The following IMMP2L variants were observed in gnomAD, a reference collection of about 807,000 sequenced individuals.
IMMP2L encodes mitochondrial inner membrane protease subunit 2.
Under a neutral mutation model 19.3 loss-of-function variants are expected in IMMP2L, and 18 were observed. The observed-to-expected ratio is 0.93, with a 90% CI of 0.64 to 1.38. The LOEUF is 1.38. Ranked by LOEUF, IMMP2L falls within the 40% of genes most tolerant of loss-of-function variation. IMMP2L has a pLI of 0.00. For missense variants in IMMP2L, 233 were observed against 218.2 expected, an observed-to-expected ratio of 1.07 and a Z score of -0.43; for synonymous variants, 76 against 73.0, an observed-to-expected ratio of 1.04 and a Z score of -0.21.
intron 4 of IMMP2L, among the ~76,000 whole-genome samples, chr7:110,907,712 A>G (rs1812617795): frequency 6.6e-6 from 1 of 152,204 alleles, no homozygotes; most frequent in Admixed American, 6.5e-5. Context: ...ATATATAAAA[A>G]ATACTTGGAC....
chr7:111,075,568 G>GA (rs1364776428), intron 3 of IMMP2L, among the ~76,000 whole-genome samples: 1 of 152,126 alleles, frequency 6.6e-6, no homozygotes, highest in African/African-American at 2.4e-5. Flanking sequence ...TTCTTCTTGA[G>GA]AATGTTTTTT....
At chr7:110,809,913 T>G (rs1801905916) in intron 5 of IMMP2L, among the ~76,000 whole-genome samples, 1 of 152,088 alleles carries the variant, frequency 6.6e-6, no homozygotes, top group Admixed American at 6.6e-5. Context: ...TCCCCCATTC[T>G]TCAGTTCCAA....
intron 5 of IMMP2L, among the ~76,000 whole-genome samples, chr7:110,821,608 C>T (rs952221818): frequency 2.5e-4 from 38 of 151,874 alleles, no homozygotes; most frequent in Non-Finnish European, 4.7e-4. Context: ...TGCTTTAAAT[C>T]CCTTATAGAA....
At chr7:111,049,431 G>A (rs906596309) in intron 3 of IMMP2L, among the ~76,000 whole-genome samples, 1 of 151,924 alleles carries the variant, frequency 6.6e-6, no homozygotes, top group Admixed American at 6.6e-5. Context: ...GCGCCCGGCC[G>A]ATTTTTATGA....
chr7:111,099,290 C>T (rs188794164), intron 3 of IMMP2L, among the ~76,000 whole-genome samples: 69 of 151,742 alleles, frequency 4.5e-4, no homozygotes, highest in African/African-American at 1.5e-3. Context: ...TTTTTCCCCT[C>T]ATGCATTCTC....
At chr7:110,805,749 G>A (rs1801588106) in intron 5 of IMMP2L, among the ~76,000 whole-genome samples, 2 of 151,922 alleles carry the variant, frequency 1.3e-5, no homozygotes, top group Non-Finnish European at 2.9e-5. Context: ...TTCTAACAAT[G>A]CAGTAACATT....
At chr7:111,404,962 C>T (rs193101393) in intron 3 of IMMP2L, among the ~76,000 whole-genome samples, 64 of 152,146 alleles carry the variant, frequency 4.2e-4, no homozygotes, top group Non-Finnish European at 7.5e-4. Flanking sequence ...CTTATAGCAA[C>T]GTCAGAAAAA....
At chr7:110,900,980 C>T (rs1272194317) in intron 4 of IMMP2L, among the ~76,000 whole-genome samples, 1 of 151,890 alleles carries the variant, frequency 6.6e-6, no homozygotes, top group Non-Finnish European at 1.5e-5. Context: ...ACCAAGGGCC[C>T]TTCTAAATGT....
At chr7:110,967,396 C>T (rs1217095502) in intron 3 of IMMP2L, among the ~76,000 whole-genome samples, 2 of 151,956 alleles carry the variant, frequency 1.3e-5, no homozygotes, top group African/African-American at 4.8e-5. Context: ...CTTTTCCTGA[C>T]CACCCCCACC....
chr7:110,994,578 A>G (rs1339023954), intron 3 of IMMP2L, among the ~76,000 whole-genome samples: 1 of 152,152 alleles, frequency 6.6e-6, no homozygotes, highest in African/African-American at 2.4e-5. Flanking sequence ...TGGGATGGGG[A>G]GCACCAAAAA....
intron 2 of IMMP2L, among the ~76,000 whole-genome samples, chr7:111,519,775 A>G (rs1846178242): frequency 6.6e-6 from 1 of 152,128 alleles, no homozygotes; most frequent in African/African-American, 2.4e-5. Context: ...ATCCTCTGGA[A>G]TATCATCAGA....
At chr7:111,317,072 TCTC>T (rs1240586917) in intron 3 of IMMP2L, among the ~76,000 whole-genome samples, 1 of 151,892 alleles carries the variant, frequency 6.6e-6, no homozygotes, top group Non-Finnish European at 1.5e-5. Flanking sequence ...ATGGTCTCGA[TCTC>T]CTGACCTCGT....
chr7:111,537,072 T>A (rs1384207162), intron 1 of IMMP2L, among the ~76,000 whole-genome samples: 1 of 152,160 alleles, frequency 6.6e-6, no homozygotes, highest in East Asian at 1.9e-4. Context: ...TTACTGAATA[T>A]CTGCTAAGTG....
intron 3 of IMMP2L, among the ~76,000 whole-genome samples, chr7:111,435,506 G>C (rs1284127555): frequency 1.3e-5 from 2 of 151,698 alleles, no homozygotes; most frequent in African/African-American, 2.4e-5. Flanking sequence ...GTGGAACAAT[G>C]GACACTGCAG....
At chr7:111,546,310 G>A (rs895886863) in intron 1 of IMMP2L, among the ~76,000 whole-genome samples, 19 of 152,100 alleles carry the variant, frequency 1.2e-4, no homozygotes, top group African/African-American at 4.3e-4. Context: ...CACTTGCCTA[G>A]TTCCCTATAC....
intron 5 of IMMP2L, among the ~76,000 whole-genome samples, chr7:110,775,040 GAAA>G (rs1799285742): frequency 6.6e-6 from 1 of 151,980 alleles, no homozygotes; most frequent in Non-Finnish European, 1.5e-5. Flanking sequence ...AGTGATATAG[GAAA>G]ATACTTGTAG....
chr7:110,704,721 G>C (rs1310047088), intron 5 of IMMP2L, among the ~76,000 whole-genome samples: 2 of 152,206 alleles, frequency 1.3e-5, no homozygotes, highest in Non-Finnish European at 2.9e-5. Context: ...AAAGAAAAGA[G>C]AAGAAAGTAA....
chr7:111,481,940 C>T (rs1001848637), intron 3 of IMMP2L, among the ~76,000 whole-genome samples: 1 of 152,116 alleles, frequency 6.6e-6, no homozygotes, highest in African/African-American at 2.4e-5. Flanking sequence ...GCCTGTAGTC[C>T]CAGCCACTCA....
chr7:111,539,495 T>C (rs1848330657), intron 1 of IMMP2L, among the ~76,000 whole-genome samples: 1 of 152,116 alleles, frequency 6.6e-6, no homozygotes, highest in Non-Finnish European at 1.5e-5. Flanking sequence ...TAGATTTTCT[T>C]TCAAAGCAAT....
Sources: allele counts gnomAD v4.1 joint callset (sites outside exome capture counted in the v4.1 genomes callset), GRCh38; gene constraint gnomAD v4.1.1; transcripts MANE v1.5; gene names NCBI Gene and HGNC (gene_info 2026-07-23, HGNC 2026-07-21).